GREP1: variants seen among roughly 807,000 people sequenced by gnomAD.
GREP1 encodes glycine rich extracellular protein 1.
At chr16:2,998,739 C>CT (rs2072441606) in intron 25 of GREP1, 109 bp from the exon 24 acceptor site, 1 of 398,554 alleles carries the variant, frequency 2.5e-6, no homozygotes, top group Non-Finnish European at 4.4e-6. Flanking sequence ...TGGGTCTGCC[C>CT]TAGAAGCCAC....
rs1454644793 is a variant in GREP1 at position 2,989,496 on chromosome 16, G to A, written c.101-27G>A. On this transcript the variant is annotated intron_variant, in intron 2 of 34. Transcript: ENST00000573315. This position sits in a 1 kb window ranked among gnomAD's most constrained non-coding sequence, Gnocchi z 4.2. ...CGGCTCCCAGCTGCTCCAGCACCCC[G>A]GGCTCAACATCTCACTTCTCCCACA... 1.3e-5 allele frequency: 5 copies of A among 399,068 alleles called. No individual in the cohort carries two copies. The highest frequency in any genetic ancestry group is 7.1e-5 in the East Asian group (2 of 28,072). The allele number at this position is 399,068 out of a possible 1,614,324, so 24.7% of individuals were successfully genotyped here.
At chr16:2,994,520 A>G (rs906412741) in intron 10 of GREP1, 178 bp from the exon 12 acceptor site, 2 of 395,918 alleles carry the variant, frequency 5.1e-6, no homozygotes, top group Non-Finnish European at 8.9e-6. Context: ...AAGAAAATAA[A>G]AAAAAGAGCT....
chr16:3,000,103 G>A (rs993457068), exon 29 of GREP1: 12 of 398,914 alleles, frequency 3.0e-5, no homozygotes, highest in Non-Finnish European at 4.4e-5. Flanking sequence ...TGGTGGCCTC[G>A]AGCCACAGAA....
rs2072386500 is a variant in GREP1, at chr16:2,989,198, T to C, written c.101-325T>C. ...GGGTGGAGTGGGCTCTGCCCCACAG[T>C]CCCCCAGAGCCCTGGCTCAGACACC... On this transcript the variant is annotated intron_variant, in intron 2 of 34. Transcript: ENST00000573315. This position sits in a 1 kb window ranked among gnomAD's most constrained non-coding sequence, Gnocchi z 4.2. 5.9e-6 allele frequency: 2 copies of C among 340,384 alleles called. No individual in the cohort carries two copies. The highest frequency in any genetic ancestry group is 1.1e-5 in the Non-Finnish European group (2 of 189,278). The allele number at this position is 340,384 out of a possible 1,614,324, so 21.1% of individuals were successfully genotyped here.
intron 12 of GREP1, 26 bp from the exon 14 acceptor site, chr16:2,994,901 T>C (rs2072416873): frequency 2.5e-6 from 1 of 399,158 alleles, no homozygotes; most frequent in East Asian, 3.6e-5. Context: ...CCCTCATTCA[T>C]ACCCCGCCTT....
chr16:2,989,012 G>C lies in GREP1; in HGVS notation c.100+390G>C, dbSNP rs951053731. The C allele has an allele frequency of 1.6e-5, 4 of 250,228 alleles. No individual in the cohort carries two copies. The highest frequency in any genetic ancestry group is 1.1e-4 in the Admixed American group (2 of 17,984). The allele number at this position is 250,228 out of a possible 1,614,324, so 15.5% of individuals were successfully genotyped here. A position where few individuals can be genotyped will look rare whatever the true frequency, so the allele number is the denominator to read the frequency against. Reference sequence around the variant, plus strand: ...GGAAGAGTCTTTACTTCAGGGACCTGGGGGGTCCTAAGGGTAGAAGGAGGG... The same window carrying C: ...GGAAGAGTCTTTACTTCAGGGACCTCGGGGGTCCTAAGGGTAGAAGGAGGG... On this transcript the variant is annotated intron_variant, in intron 2 of 34. Coordinates refer to ENST00000573315, the Ensembl canonical transcript of GREP1. This position sits in a 1 kb window ranked among gnomAD's most constrained non-coding sequence, Gnocchi z 4.2.
At chr16:2,994,173 A>G (rs1452336462) in intron 10 of GREP1, 1 of 152,160 alleles carries the variant, frequency 6.6e-6, no homozygotes, top group Non-Finnish European at 1.5e-5. Context: ...AAACTGAACC[A>G]AAAGGAGAGT....
rs57627661 is a variant in GREP1 at position 2,991,999 on chromosome 16, G to C, written c.323-806G>C. On this transcript the variant is annotated intron_variant, in intron 8 of 34. Transcript: ENST00000573315. This position sits in a 1 kb window ranked among gnomAD's most constrained non-coding sequence, Gnocchi z 4.9. Reference sequence around the variant, plus strand: ...TCTCTATTCCTGGCATGGGGCGGGGGGTGAAACCTCTGAAGACAGGTGTGC... The same window carrying C: ...TCTCTATTCCTGGCATGGGGCGGGGCGTGAAACCTCTGAAGACAGGTGTGC... The C allele has an allele frequency of 0.047, 7,238 of 152,748 alleles. 315 individuals are homozygous for C. Among genetic ancestry groups the C allele is most frequent in the African/African-American group, 0.11 (4,530 of 41,520 alleles). 9.5% of individuals were successfully genotyped at this position (152,748 alleles called of 1,614,324 possible).
chr16:2,999,164 A>G (rs2072444372), intron 26 of GREP1, 185 bp downstream of exon 24: 1 of 398,644 alleles, frequency 2.5e-6, no homozygotes, highest in African/African-American at 2.1e-5. Context: ...TGTGGTCCCC[A>G]GTATGGGAGT....
intron 33 of GREP1, among the ~76,000 whole-genome samples, 152 bp downstream of exon 27, chr16:3,000,979 G>A (rs921936725): frequency 2.0e-5 from 3 of 152,144 alleles, no homozygotes; most frequent in African/African-American, 7.2e-5. Flanking sequence ...GGCCAGGAGG[G>A]CATAGGCAGG....
At chr16:2,998,864 G>C (rs1050339598) in exon 26 of GREP1, 3 of 399,150 alleles carry the variant, frequency 7.5e-6, no homozygotes, top group Middle Eastern at 6.3e-4. Flanking sequence ...GCAATGCGAG[G>C]GTCGCTCCGA....
rs2072389918 is a variant in GREP1 at position 2,989,906 on chromosome 16, G to A, written c.131-68G>A. On this transcript the variant is annotated intron_variant, in intron 3 of 34. Coordinates refer to ENST00000573315, the Ensembl canonical transcript of GREP1. This position sits in a 1 kb window ranked among gnomAD's most constrained non-coding sequence, Gnocchi z 4.2. The stretch of plus-strand genomic sequence containing the variant: ...CACAGGCCCACTGCTTGGATAGGCT[G>A]TGGGCCAGGTGTGGGGCTCTGGGGA... 1 of 398,864 alleles carries A rather than the reference G, an allele frequency of 2.5e-6. No individual in the cohort carries two copies. Among genetic ancestry groups the A allele is most frequent in the South Asian group, 1.3e-4 (1 of 7,854 alleles). 24.7% of individuals were successfully genotyped at this position (398,864 alleles called of 1,614,324 possible).
intron 22 of GREP1, 147 bp from the exon 21 acceptor site, chr16:2,997,656 G>A (rs940081196): frequency 1.5e-5 from 6 of 397,602 alleles, no homozygotes; most frequent in Non-Finnish European, 2.2e-5. Context: ...TCCCCATGCC[G>A]CCCCCACAGA....
Position 2,991,111 on chromosome 16 carries a change from C to T in GREP1, c.322+10C>T, listed in dbSNP as rs1056546828. The T allele has an allele frequency of 5.0e-6, 2 of 399,176 alleles. No homozygotes were observed. The highest frequency in any genetic ancestry group is 4.4e-6 in the Non-Finnish European group (1 of 226,282). 24.7% of individuals were successfully genotyped at this position (399,176 alleles called of 1,614,324 possible). A position where few individuals can be genotyped will look rare whatever the true frequency, so the allele number is the denominator to read the frequency against. On this transcript the variant is annotated intron_variant, in intron 8 of 34. Coordinates refer to ENST00000573315, the Ensembl canonical transcript of GREP1. This position sits in a 1 kb window ranked among gnomAD's most constrained non-coding sequence, Gnocchi z 4.9. ...GCCGGAGCCCAGTCAGGTGAGGAAA[C>T]GTCGGGTGTGGCAGGACCTGGGCTT...
chr16:2,990,020 C>G lies in GREP1; in HGVS notation c.163+14C>G. ...CACAGAAGCCAGGTGAGCCCTGCCCCGGCCCCAGCTCTTTGTCTCCCCCTC... is the reference window on the plus strand; with the variant it reads ...CACAGAAGCCAGGTGAGCCCTGCCCGGGCCCCAGCTCTTTGTCTCCCCCTC... On this transcript the variant is annotated intron_variant, in intron 4 of 34. Coordinates refer to ENST00000573315, the Ensembl canonical transcript of GREP1. The G allele has an allele frequency of 5.0e-6, 2 of 399,586 alleles. No homozygotes were observed. The highest frequency in any genetic ancestry group is 4.4e-5 in the Admixed American group (1 of 22,728). 24.8% of individuals were successfully genotyped at this position (399,586 alleles called of 1,614,324 possible). A position where few individuals can be genotyped will look rare whatever the true frequency, so the allele number is the denominator to read the frequency against.
chr16:2,988,940 G>C, intron 2 of GREP1: 1 of 342,966 alleles, frequency 2.9e-6, no homozygotes, highest in Non-Finnish European at 5.2e-6. Context: ...AGGAGGGAGG[G>C]GACAAGGAGA....
chr16:2,989,327 G>A lies in GREP1; in HGVS notation c.101-196G>A, dbSNP rs1002149203. ...GTGACAGCAGGGAAACTGAGACCTG[G>A]AAAGGGAGGTGGCATCCAGATTTGG... On this transcript the variant is annotated intron_variant, in intron 2 of 34. Transcript: ENST00000573315. This position sits in a 1 kb window ranked among gnomAD's most constrained non-coding sequence, Gnocchi z 4.2. 15 of 396,316 alleles carry A rather than the reference G, an allele frequency of 3.8e-5. 1 individual carries two copies. Among genetic ancestry groups the A allele is most frequent in the Admixed American group, 2.6e-4 (6 of 22,650 alleles). 24.5% of individuals were successfully genotyped at this position (396,316 alleles called of 1,614,324 possible).
rs140333716 is a variant in GREP1 at position 2,991,461 on chromosome 16, G to A, written c.322+360G>A. 1 of 218,756 alleles carries A rather than the reference G, an allele frequency of 4.6e-6. No homozygotes were observed. The highest frequency in any genetic ancestry group is 9.3e-5 in the East Asian group (1 of 10,724). 13.6% of individuals were successfully genotyped at this position (218,756 alleles called of 1,614,324 possible). A position where few individuals can be genotyped will look rare whatever the true frequency, so the allele number is the denominator to read the frequency against. On this transcript the variant is annotated intron_variant, in intron 8 of 34. Coordinates refer to ENST00000573315, the Ensembl canonical transcript of GREP1. This position sits in a 1 kb window ranked among gnomAD's most constrained non-coding sequence, Gnocchi z 4.9. ...AGGTGAGGGTGGCTGGGCAGGGGCC[G>A]CAGGGAGGGGCGGGCAGGAGGGTTT...
intron 5 of GREP1, 36 bp downstream of exon 5, chr16:2,990,158 C>T: frequency 2.5e-6 from 1 of 399,136 alleles, no homozygotes; most frequent in Non-Finnish European, 4.4e-6. Flanking sequence ...CCCTCCCTCC[C>T]AGGCCTCAGA....
Sources: gnomAD v4.1 joint callset for allele counts (sites outside exome capture counted in the v4.1 genomes callset) on GRCh38, gnomAD v4.1.1 for gene constraint, Gnocchi (gnomAD v3.1) non-coding constraint, MANE v1.5 for transcripts, NCBI Gene and HGNC (gene_info 2026-07-23, HGNC 2026-07-21) for gene names.